The following GPC5 variants were observed in gnomAD, a reference collection of about 807,000 sequenced individuals.
GPC5 encodes the protein glypican-5.
A neutral mutation model predicts 53.9 loss-of-function variants in GPC5; 47 were observed. The ratio of observed to expected loss-of-function variants is 0.87; its 90% CI spans 0.69 to 1.11. GPC5 has a LOEUF of 1.11. GPC5 is among the 50% of genes most tolerant of loss of function. The probability of loss-of-function intolerance (pLI) is 0.00; values close to 1 mark genes in which losing one functional copy is unlikely to be tolerated. For missense variants in GPC5, 748 were observed against 713.1 expected (o/e 1.05, Z -0.56); for synonymous variants, 286 against 263.3 (o/e 1.09, Z -0.84).
intron 7 of GPC5, among the ~76,000 whole-genome samples, chr13:92,753,202 T>C (rs1250489552): frequency 1.3e-5 from 2 of 152,084 alleles, no homozygotes; most frequent in South Asian, 4.2e-4. Context: ...GCAGCCTAAC[T>C]GGGAGGCACC....
chr13:91,922,187 G>A (rs2039722100), intron 6 of GPC5, among the ~76,000 whole-genome samples: 1 of 152,164 alleles, frequency 6.6e-6, no homozygotes, highest in Non-Finnish European at 1.5e-5. Flanking sequence ...GTCTCCAGGA[G>A]CAGGAAACAT....
intron 6 of GPC5, among the ~76,000 whole-genome samples, chr13:92,113,445 C>T (rs1217906011): frequency 6.6e-6 from 1 of 152,136 alleles, no homozygotes; most frequent in Non-Finnish European, 1.5e-5. Flanking sequence ...TCTTTGTTGA[C>T]TAAGCATGTT....
intron 2 of GPC5, among the ~76,000 whole-genome samples, chr13:91,524,327 GTTTT>G (rs1233523456): frequency 6.6e-6 from 1 of 151,684 alleles, no homozygotes; most frequent in Non-Finnish European, 1.5e-5. Flanking sequence ...AACATGGGGT[GTTTT>G]TTTATGTTTT....
chr13:91,494,452 T>C (rs764286243), intron 2 of GPC5, among the ~76,000 whole-genome samples: 6 of 152,044 alleles, frequency 3.9e-5, no homozygotes, highest in Non-Finnish European at 5.9e-5. Context: ...CTCTAGAATG[T>C]ACTTTCTCCA....
In GPC5 at chr13:91,844,878, A is replaced by G. The variant is rs147560844; in HGVS notation, c.1281-63059A>G. 4.3e-3 allele frequency among the ~76,000 whole-genome samples: 653 copies of G among 152,174 alleles called. 8 individuals are homozygous for G. Among genetic ancestry groups the G allele is most frequent in the African/African-American group, 0.015 (624 of 41,490 alleles). ...GTAGCTGGGATTACAGGTGCCCGCC[A>G]CCATGCCCAGCTAATTTTGCTGTGT... On this transcript the variant is annotated intron_variant, in intron 5 of 7. Coordinates refer to ENST00000377067, the MANE Select transcript of GPC5 (RefSeq NM_004466.6).
chr13:92,675,428 CTT>C (rs1886905461), intron 7 of GPC5, among the ~76,000 whole-genome samples: 1 of 152,036 alleles, frequency 6.6e-6, no homozygotes, highest in African/African-American at 2.4e-5. Context: ...ATTTTTAAAA[CTT>C]TTTGTCCATT....
rs72647276 is a variant in GPC5 at position 91,822,205 on chromosome 13, T to C, written c.1280+65785T>C. On this transcript the variant is annotated intron_variant, in intron 5 of 7. Transcript: ENST00000377067. ...TCATGTTACAGTCAACTATAAGCCATCAATCATCAACTTGAGCTCCTTGAG... is the reference window on the plus strand; with the variant it reads ...TCATGTTACAGTCAACTATAAGCCACCAATCATCAACTTGAGCTCCTTGAG... Among the ~76,000 whole-genome samples the C allele has an allele frequency of 6.8e-3, 1,039 of 152,278 alleles. 11 individuals are homozygous for C. The highest frequency in any genetic ancestry group is 9.3e-3 in the Non-Finnish European group (634 of 68,008).
intron 7 of GPC5, among the ~76,000 whole-genome samples, chr13:92,786,175 A>G (rs1230968480): frequency 6.6e-6 from 1 of 152,190 alleles, no homozygotes; most frequent in African/African-American, 2.4e-5. Flanking sequence ...GGCTCTTTAC[A>G]TTAAGGAAAC....
intron 6 of GPC5, among the ~76,000 whole-genome samples, chr13:92,090,592 A>C (rs2041372281): frequency 6.6e-6 from 1 of 152,158 alleles, no homozygotes; most frequent in Admixed American, 6.5e-5. Context: ...GAATCCACCA[A>C]TTTATGATAT....
At chr13:91,443,859 C>T (rs1291641602) in intron 1 of GPC5, among the ~76,000 whole-genome samples, 1 of 152,166 alleles carries the variant, frequency 6.6e-6, no homozygotes, top group African/African-American at 2.4e-5. Context: ...TTTATCATGT[C>T]TGTATCTCCG....
chr13:91,562,188 T>TAAAAAAAAAAAAAAAAAAAAAAAAAA (rs10603242), intron 2 of GPC5, among the ~76,000 whole-genome samples: 4 of 45,062 alleles, frequency 8.9e-5, no homozygotes, highest in Middle Eastern at 0.014. Context: ...GGAGCAACAG[T>TAAAAAAAAAAAAAAAAAAAAAAAAAA]AAAAAAAAAA....
At chr13:92,629,271 C>G (rs1304299039) in intron 7 of GPC5, among the ~76,000 whole-genome samples, 3 of 152,170 alleles carry the variant, frequency 2.0e-5, no homozygotes, top group Non-Finnish European at 4.4e-5. Context: ...ATTCCCATAA[C>G]AGCCTAGTCC....
intron 7 of GPC5, among the ~76,000 whole-genome samples, chr13:92,259,308 G>A (rs914687237): frequency 1.9e-4 from 29 of 151,970 alleles, no homozygotes; most frequent in African/African-American, 7.0e-4. Context: ...TTTATGGCTG[G>A]GTGGCCTCCA....
In GPC5 at chr13:91,423,622, T is replaced by C. The variant is rs145047890; in HGVS notation, c.163+24413T>C. ...GAAAGAGAGAATGTTGGTCAAAGGCTACAACGTTTCAGTTAGGAGGAATAA... is the reference window on the plus strand; with the variant it reads ...GAAAGAGAGAATGTTGGTCAAAGGCCACAACGTTTCAGTTAGGAGGAATAA... On this transcript the variant is annotated intron_variant, in intron 1 of 7. Transcript: ENST00000377067. Among the ~76,000 whole-genome samples the C allele has an allele frequency of 1.5e-3, 236 of 152,294 alleles. 1 individual carries two copies. Among genetic ancestry groups the C allele is most frequent in the African/African-American group, 5.5e-3 (229 of 41,546 alleles).
At chr13:92,382,811 C>T (rs1319495081) in intron 7 of GPC5, among the ~76,000 whole-genome samples, 1 of 151,462 alleles carries the variant, frequency 6.6e-6, no homozygotes, top group African/African-American at 2.4e-5. Context: ...GAGATCAAGA[C>T]CACAGTGAAA....
At chr13:91,589,117 G>T (rs536391927) in intron 2 of GPC5, among the ~76,000 whole-genome samples, 122 of 152,094 alleles carry the variant, frequency 8.0e-4, no homozygotes, top group African/African-American at 2.8e-3. Flanking sequence ...CCTAATTTTT[G>T]TGCAGTATTT....
intron 7 of GPC5, among the ~76,000 whole-genome samples, chr13:92,842,497 TTA>T (rs936526812): frequency 2.0e-5 from 3 of 152,108 alleles, no homozygotes; most frequent in Non-Finnish European, 4.4e-5. Flanking sequence ...TGTAACTATC[TTA>T]TCTCTCAGGT....
intron 6 of GPC5, among the ~76,000 whole-genome samples, chr13:92,137,956 T>TA (rs752818877): frequency 2.0e-5 from 3 of 152,186 alleles, no homozygotes; most frequent in Non-Finnish European, 2.9e-5. Flanking sequence ...TCACCTATTA[T>TA]AAAAAATGCA....
chr13:92,362,677 T>C lies in GPC5; in HGVS notation c.1561+217688T>C, dbSNP rs577096296. ...TTTGATGGCCCTTTGGTTTCTCCCA[T>C]TGCCAGGAACCCAAGTGCAAGTCTT... On this transcript the variant is annotated intron_variant, in intron 7 of 7. Transcript: ENST00000377067. Among the ~76,000 whole-genome samples the C allele has an allele frequency of 7.9e-5, 12 of 151,850 alleles. 1 individual carries two copies. The South Asian group carries it at 2.1e-3, about 26-fold the overall frequency.
Sources: allele counts gnomAD v4.1 joint callset (sites outside exome capture counted in the v4.1 genomes callset), GRCh38; gene constraint gnomAD v4.1.1; transcripts MANE v1.5; gene names NCBI Gene and HGNC (gene_info 2026-07-23, HGNC 2026-07-21).